Variants in TOX3 observed in about 807,000 individuals in gnomAD.
TOX3 encodes CAG trinucleotide repeat-containing gene F9 protein.
In TOX3, 22 loss-of-function variants were observed where a neutral mutation model predicts 64.3. The observed-to-expected ratio is 0.34, with a 90% confidence interval of 0.24 to 0.49. The LOEUF is 0.49. Among genes scored for constraint, TOX3 ranks in the 20% least tolerant of loss-of-function variants. The pLI is 0.99. For missense variants in TOX3, 661 were observed against 714.4 expected, an observed-to-expected ratio of 0.93 and a Z score of 0.85; for synonymous variants, 291 against 273.6, an observed-to-expected ratio of 1.06 and a Z score of -0.63.
intron 6 of TOX3, among the ~76,000 whole-genome samples, chr16:52,443,739 C>T (rs1960074529): frequency 6.6e-6 from 1 of 152,170 alleles, no homozygotes; most frequent in African/African-American, 2.4e-5. Context: ...TTTTATAACA[C>T]ACCAGGGTCC....
intron 1 of TOX3, among the ~76,000 whole-genome samples, chr16:52,504,546 T>C (rs532152006): frequency 3.3e-5 from 5 of 150,314 alleles, no homozygotes; most frequent in Non-Finnish European, 7.4e-5. Flanking sequence ...ACTTCCCACA[T>C]ACACACATTA....
At chr16:52,498,697 T>C (rs1961918435) in intron 1 of TOX3, among the ~76,000 whole-genome samples, 1 of 152,116 alleles carries the variant, frequency 6.6e-6, no homozygotes, top group South Asian at 2.1e-4. Context: ...AAACAAGTCC[T>C]CTGGAAACAA....
intron 1 of TOX3, among the ~76,000 whole-genome samples, chr16:52,468,982 G>A (rs1419861688): frequency 6.6e-6 from 1 of 152,198 alleles, no homozygotes. Flanking sequence ...TGTCACAAGT[G>A]TGGGTAGGTT....
chr16:52,492,481 A>G (rs1430657983), intron 1 of TOX3, among the ~76,000 whole-genome samples: 1 of 112,818 alleles, frequency 8.9e-6, no homozygotes, highest in African/African-American at 3.6e-5. Flanking sequence ...ACCAATTTAT[A>G]TATATAATAT....
chr16:52,466,392 C>A (rs752235674), intron 2 of TOX3, among the ~76,000 whole-genome samples: 5 of 152,080 alleles, frequency 3.3e-5, no homozygotes, highest in Admixed American at 1.3e-4. Context: ...TGGTTTCAGG[C>A]ACAATTTAGA....
chr16:52,517,050 G>T (rs1396952838), intron 1 of TOX3, among the ~76,000 whole-genome samples: 2 of 151,812 alleles, frequency 1.3e-5, no homozygotes, highest in South Asian at 2.1e-4. Context: ...CATAAACAGT[G>T]ATTCTCCTAT....
intron 1 of TOX3, among the ~76,000 whole-genome samples, chr16:52,544,722 G>C (rs1265106896): frequency 1.3e-5 from 2 of 152,082 alleles, no homozygotes; most frequent in African/African-American, 4.8e-5. Flanking sequence ...TAAATGTTCT[G>C]AGCTTAAATA....
intron 1 of TOX3, among the ~76,000 whole-genome samples, chr16:52,488,278 C>T (rs547285913): frequency 1.2e-4 from 18 of 152,320 alleles, no homozygotes; most frequent in South Asian, 4.1e-4. Flanking sequence ...TAAACCACCT[C>T]ACCTACTGCA....
intron 1 of TOX3, among the ~76,000 whole-genome samples, chr16:52,483,601 C>T (rs7203778): frequency 0.029 from 3,383 of 115,782 alleles, 114 homozygotes; most frequent in East Asian, 0.24. Context: ...CAGAGTCTTG[C>T]TCTGTCGCCC....
intron 2 of TOX3, among the ~76,000 whole-genome samples, 158 bp from the exon 3 acceptor site, chr16:52,464,346 T>A (rs1960790855): frequency 6.6e-6 from 1 of 152,246 alleles, no homozygotes; most frequent in South Asian, 2.1e-4. Context: ...GATTTCCATA[T>A]ATAAAGTTTT....
chr16:52,525,688 C>T (rs1285991915), intron 1 of TOX3, among the ~76,000 whole-genome samples: 2 of 152,058 alleles, frequency 1.3e-5, no homozygotes, highest in African/African-American at 4.8e-5. Context: ...TGCGTGCATG[C>T]CTGCGTACAC....
chr16:52,468,642 A>C lies in TOX3; in HGVS notation c.88-68T>G. ...AAAGCATTCTGGCTGTGATTTGGAA[A>C]GAATGCTGGTGTTGCTAAATAAAAG... On this transcript the variant is annotated intron_variant, in intron 1 of 6. Coordinates refer to ENST00000219746, the MANE Select transcript of TOX3 (RefSeq NM_001080430.4). The C allele has an allele frequency of 3.9e-6, 5 of 1,289,434 alleles. No homozygotes were observed. The South Asian group carries it at 6.2e-5, about 16-fold the overall frequency. The allele number at this position is 1,289,434 out of a possible 1,614,324, so 79.9% of individuals were successfully genotyped here. A position where few individuals can be genotyped will look rare whatever the true frequency, so the allele number is the denominator to read the frequency against.
intron 2 of TOX3, among the ~76,000 whole-genome samples, chr16:52,465,002 A>ATTTTTTTTTTTTT (rs1340719697): frequency 6.6e-5 from 4 of 60,976 alleles, no homozygotes; most frequent in African/African-American, 2.3e-4. Context: ...GTCTTAATGC[A>ATTTTTTTTTTTTT]TTCTTTTTTT....
At chr16:52,486,547 A>G (rs148893077) in intron 1 of TOX3, among the ~76,000 whole-genome samples, 102 of 152,328 alleles carry the variant, frequency 6.7e-4, no homozygotes, top group African/African-American at 2.3e-3. Flanking sequence ...ATCAAAAAAA[A>G]TTCAAATACT....
intron 1 of TOX3, among the ~76,000 whole-genome samples, chr16:52,492,406 TATC>T (rs1205326855): frequency 6.9e-6 from 1 of 145,898 alleles, no homozygotes; most frequent in Non-Finnish European, 1.5e-5. Flanking sequence ...TATCAAATAT[TATC>T]ATCATGAATA....
chr16:52,480,199 G>A (rs1961331997), intron 1 of TOX3, among the ~76,000 whole-genome samples: 2 of 152,108 alleles, frequency 1.3e-5, no homozygotes, highest in Admixed American at 1.3e-4. Flanking sequence ...GCTTCAATGT[G>A]GTTAAAGACA....
Position 52,546,682 on chromosome 16 carries a change from G to T in TOX3, c.42C>A (p.Ala14=), listed in dbSNP as rs774609196. 1.9e-6 allele frequency: 3 copies of T among 1,543,876 alleles called. No individual in the cohort carries two copies. Among genetic ancestry groups the T allele is most frequent in the South Asian group, 1.2e-5 (1 of 84,060 alleles). The part of the protein sequence containing the change: ...RFYPAAAGDP[A]SLDFAQCLGY... ...CCAGGCACTGCGCGAAGTCCAGGCT[G>T]GCAGGGTCCCCGGCCGCCGCGGGGT... Residue 14 remains alanine, a synonymous_variant, in exon 1 of 7, where the codon GCC becomes GCA. Transcript: ENST00000219746.
At chr16:52,481,873 T>G (rs758380021) in intron 1 of TOX3, among the ~76,000 whole-genome samples, 2 of 152,188 alleles carry the variant, frequency 1.3e-5, no homozygotes, top group Non-Finnish European at 2.9e-5. Context: ...ACCAGTTGTG[T>G]TTATCTAAAA....
intron 1 of TOX3, among the ~76,000 whole-genome samples, chr16:52,509,363 A>G (rs1962241873): frequency 6.6e-6 from 1 of 152,206 alleles, no homozygotes; most frequent in Admixed American, 6.5e-5. Context: ...ACCTCTGACA[A>G]TTATGCATGA....
Sources: gnomAD v4.1 joint callset for allele counts (sites outside exome capture counted in the v4.1 genomes callset) on GRCh38, gnomAD v4.1.1 for gene constraint, MANE v1.5 for transcripts, NCBI Gene and HGNC (gene_info 2026-07-23, HGNC 2026-07-21) for gene names.